The following VOPP1 variants were observed in gnomAD, a reference collection of about 807,000 sequenced individuals.
VOPP1 encodes the protein VOPP1 WW domain binding protein.
Under a neutral mutation model 23.5 loss-of-function variants are expected in VOPP1, and 8 were observed. That is an observed-to-expected ratio of 0.34 (90% CI 0.20 to 0.61). The LOEUF (loss-of-function observed/expected upper bound fraction) is 0.61, where lower values mean the gene tolerates loss of function less well. VOPP1 is among the 20% of genes least tolerant of loss of function. The probability of loss-of-function intolerance (pLI) is 0.78; values close to 1 mark genes in which losing one functional copy is unlikely to be tolerated. For synonymous variants in VOPP1, 83 were observed against 97.3 expected, an observed-to-expected ratio of 0.85 and a Z score of 0.86; for missense variants, 174 against 238.1, an observed-to-expected ratio of 0.73 and a Z score of 1.77.
At chr7:55,439,993 C>T (rs771009709) in intron 4 of VOPP1, among the ~76,000 whole-genome samples, 1 of 152,144 alleles carries the variant, frequency 6.6e-6, no homozygotes, top group Admixed American at 6.5e-5. Context: ...ACACTAATGC[C>T]GCTGGCTGGG....
downstream of VOPP1, among the ~76,000 whole-genome samples, chr7:55,470,037 C>A (rs180969607): frequency 6.6e-6 from 1 of 151,934 alleles, no homozygotes; most frequent in African/African-American, 2.4e-5. Flanking sequence ...AGAACAAGAC[C>A]CTGTCTCTAA....
intron 4 of VOPP1, among the ~76,000 whole-genome samples, chr7:55,477,622 G>C (rs1244872001): frequency 6.6e-6 from 1 of 152,250 alleles, no homozygotes; most frequent in Non-Finnish European, 1.5e-5. Context: ...TGCAGAACCA[G>C]AAACACCAGC....
At chr7:55,528,325 A>G (rs956129547) in intron 1 of VOPP1, among the ~76,000 whole-genome samples, 1 of 152,238 alleles carries the variant, frequency 6.6e-6, no homozygotes, top group South Asian at 2.1e-4. Context: ...TTCAGTTGGT[A>G]CTAGAGATGA....
chr7:55,473,870 A>G (rs898200456), intron 4 of VOPP1, among the ~76,000 whole-genome samples: 7 of 152,242 alleles, frequency 4.6e-5, no homozygotes, highest in African/African-American at 1.4e-4. Context: ...GAGACACTCA[A>G]GTGTCAAAGA....
chr7:55,482,857 T>G (rs1562908449), intron 4 of VOPP1, among the ~76,000 whole-genome samples: 1 of 152,190 alleles, frequency 6.6e-6, no homozygotes, highest in Non-Finnish European at 1.5e-5. Context: ...AGTTTTCACT[T>G]TTTCTTTCCT....
At chr7:55,474,142 G>A (rs1225857748) in intron 4 of VOPP1, among the ~76,000 whole-genome samples, 1 of 152,234 alleles carries the variant, frequency 6.6e-6, no homozygotes, top group Non-Finnish European at 1.5e-5. Context: ...ATGCCACCCT[G>A]TGTGAGAGGC....
chr7:55,508,638 G>A (rs1562939417), intron 2 of VOPP1, among the ~76,000 whole-genome samples: 2 of 152,094 alleles, frequency 1.3e-5, no homozygotes, highest in Non-Finnish European at 2.9e-5. Context: ...GTAAACTGCT[G>A]ATCATTTAAA....
At chr7:55,463,452 T>A (rs972730899) in intron 4 of VOPP1, among the ~76,000 whole-genome samples, 11 of 152,220 alleles carry the variant, frequency 7.2e-5, no homozygotes, top group Non-Finnish European at 1.5e-4. Flanking sequence ...TCCTGATAGA[T>A]GTATCTATTG....
At chr7:55,561,817 G>A (rs969194430) in intron 1 of VOPP1, 3 of 618,934 alleles carry the variant, frequency 4.8e-6, no homozygotes, top group Non-Finnish European at 8.7e-6. Flanking sequence ...AGCTTGCCTA[G>A]GGAGTAGCTT....
chr7:55,539,871 TAACA>T (rs1055447050), intron 1 of VOPP1, among the ~76,000 whole-genome samples: 3 of 144,398 alleles, frequency 2.1e-5, no homozygotes, highest in African/African-American at 7.7e-5. Flanking sequence ...ACACACAACA[TAACA>T]AACGGGCGCA....
chr7:55,501,077 G>C (rs1794332641), intron 2 of VOPP1, among the ~76,000 whole-genome samples: 1 of 152,238 alleles, frequency 6.6e-6, no homozygotes, highest in East Asian at 1.9e-4. Context: ...AGGACCCACA[G>C]ACAGGAACTC....
chr7:55,546,954 G>A (rs1296521261), intron 1 of VOPP1, among the ~76,000 whole-genome samples: 1 of 152,262 alleles, frequency 6.6e-6, no homozygotes, highest in African/African-American at 2.4e-5. Flanking sequence ...GAGAAGGACA[G>A]CCTTCATTTC....
chr7:55,537,298 C>T (rs74777015), intron 1 of VOPP1, among the ~76,000 whole-genome samples: 64 of 152,344 alleles, frequency 4.2e-4, no homozygotes, highest in African/African-American at 1.4e-3. Flanking sequence ...ATCTCACTGA[C>T]GTCTCTCACA....
chr7:55,551,351 C>T (rs1314299612), intron 1 of VOPP1, among the ~76,000 whole-genome samples: 1 of 152,198 alleles, frequency 6.6e-6, no homozygotes, highest in South Asian at 2.1e-4. Context: ...CAGAACCCCA[C>T]GTGCACACCG....
intron 1 of VOPP1, among the ~76,000 whole-genome samples, chr7:55,531,981 C>G (rs1269155920): frequency 6.6e-6 from 1 of 152,236 alleles, no homozygotes; most frequent in Non-Finnish European, 1.5e-5. Flanking sequence ...ATAAGTGGAG[C>G]AGCTTCAAGG....
At chr7:55,540,027 A>AT (rs1229078677) in intron 1 of VOPP1, among the ~76,000 whole-genome samples, 2 of 151,706 alleles carry the variant, frequency 1.3e-5, no homozygotes, top group Non-Finnish European at 2.9e-5. Context: ...TTTAGGGCTC[A>AT]TTTTCTCACG....
chr7:55,531,508 C>T (rs539407424), intron 1 of VOPP1, among the ~76,000 whole-genome samples: 2 of 152,224 alleles, frequency 1.3e-5, no homozygotes, highest in African/African-American at 4.8e-5. Flanking sequence ...CGCCACCACA[C>T]CCAACTAATT....
At chr7:55,510,149 T>C (rs1035613941) in intron 2 of VOPP1, among the ~76,000 whole-genome samples, 2 of 152,198 alleles carry the variant, frequency 1.3e-5, no homozygotes, top group Admixed American at 1.3e-4. Context: ...AACTCAAAAT[T>C]ACAAAGTTTT....
chr7:55,549,387 G>A (rs185419132), intron 1 of VOPP1, among the ~76,000 whole-genome samples: 1 of 152,302 alleles, frequency 6.6e-6, no homozygotes, highest in East Asian at 1.9e-4. Flanking sequence ...ACGGGCCCAT[G>A]GCTTAATTTC....
Sources: gnomAD v4.1 joint callset for allele counts (sites outside exome capture counted in the v4.1 genomes callset) on GRCh38, gnomAD v4.1.1 for gene constraint, MANE v1.5 for transcripts, NCBI Gene and HGNC (gene_info 2026-07-23, HGNC 2026-07-21) for gene names.